The following SPTLC3 variants were observed in gnomAD, a reference collection of about 807,000 sequenced individuals.
SPTLC3 encodes serine palmitoyltransferase long chain base subunit 3.
SPTLC3 carries 36 observed loss-of-function variants against 59.3 expected under a neutral mutation model. That is an observed-to-expected ratio of 0.61 (90% CI 0.47 to 0.80). The LOEUF (loss-of-function observed/expected upper bound fraction) is 0.80, where lower values mean the gene tolerates loss of function less well. SPTLC3 is among the 30% of genes least tolerant of loss of function. SPTLC3 has a pLI of 0.00. For synonymous variants in SPTLC3, 257 were observed against 240.8 expected (o/e 1.07, Z -0.62); for missense variants, 625 against 685.1 (o/e 0.91, Z 0.98).
intron 1 of SPTLC3, among the ~76,000 whole-genome samples, chr20:13,033,654 A>ATT (rs1986602311): frequency 6.6e-6 from 1 of 152,192 alleles, no homozygotes; most frequent in Non-Finnish European, 1.5e-5. Flanking sequence ...ACCAGACAAT[A>ATT]GTGTTGAAAT....
At chr20:13,067,401 C>T (rs1425880957) in intron 2 of SPTLC3, among the ~76,000 whole-genome samples, 2 of 152,228 alleles carry the variant, frequency 1.3e-5, no homozygotes, top group East Asian at 3.9e-4. Context: ...CCATGCCAGT[C>T]TTCTCTGCAA....
At chr20:13,046,975 C>A (rs1568576687) in intron 1 of SPTLC3, among the ~76,000 whole-genome samples, 1 of 152,118 alleles carries the variant, frequency 6.6e-6, no homozygotes, top group East Asian at 1.9e-4. Flanking sequence ...ACACACTAGA[C>A]AGGAATATCC....
At chr20:13,123,002 C>T (rs1393100276) in intron 8 of SPTLC3, among the ~76,000 whole-genome samples, 1 of 152,178 alleles carries the variant, frequency 6.6e-6, no homozygotes, top group Non-Finnish European at 1.5e-5. Context: ...CCGCCCCATG[C>T]TCCCAGTTCT....
chr20:13,141,680 T>C (rs2038386880), intron 9 of SPTLC3, among the ~76,000 whole-genome samples: 1 of 152,246 alleles, frequency 6.6e-6, no homozygotes, highest in South Asian at 2.1e-4. Context: ...GCCACTTGGT[T>C]GCCAGCTGGA....
At position 13,165,785 on chromosome 20, in the gene SPTLC3, A is replaced by G. The variant is rs1184768471; in HGVS notation, c.*918A>G. ...TCCTTTAGAATCGACTCCCAAGACTATATTTGAAGAATGCATTGATTCAAG... is the reference window on the plus strand; with the variant it reads ...TCCTTTAGAATCGACTCCCAAGACTGTATTTGAAGAATGCATTGATTCAAG... On this transcript the variant is annotated 3_prime_UTR_variant, in exon 12 of 12. Transcript: ENST00000399002. 1.3e-5 allele frequency: 2 copies of G among 152,208 alleles called. No homozygotes were observed. Among genetic ancestry groups the G allele is most frequent in the Admixed American group, 1.3e-4 (2 of 15,272 alleles). 9.4% of individuals were successfully genotyped at this position (152,208 alleles called of 1,614,324 possible). A position where few individuals can be genotyped will look rare whatever the true frequency, so the allele number is the denominator to read the frequency against.
In SPTLC3 at chr20:13,008,973, G is replaced by C. The variant is rs780418047; in HGVS notation, c.-295G>C. The C allele has an allele frequency of 3.9e-6, 1 of 255,220 alleles. No individual in the cohort carries two copies. Among genetic ancestry groups the C allele is most frequent in the Non-Finnish European group, 7.6e-6 (1 of 131,936 alleles). The allele number at this position is 255,220 out of a possible 1,614,324, so 15.8% of individuals were successfully genotyped here. ...GTTGTTCAGTCCCCAGGTTCCCTCA[G>C]TCCCCAGAAGGAGCCAGCATGGACA... On this transcript the variant is annotated 5_prime_UTR_variant, in exon 1 of 12. Coordinates refer to ENST00000399002, the MANE Select transcript of SPTLC3 (RefSeq NM_018327.4).
chr20:13,019,237 C>G (rs2122379873), intron 1 of SPTLC3, among the ~76,000 whole-genome samples: 1 of 152,232 alleles, frequency 6.6e-6, no homozygotes, highest in South Asian at 2.1e-4. Flanking sequence ...TTAAAAGAAG[C>G]TGGAAATCCA....
At chr20:13,131,695 G>T (rs1321711413) in intron 9 of SPTLC3, among the ~76,000 whole-genome samples, 1 of 152,114 alleles carries the variant, frequency 6.6e-6, no homozygotes, top group East Asian at 1.9e-4. Context: ...CTCTCACCTG[G>T]ATTCCTGGAG....
chr20:13,085,620 G>T (rs1263268018), intron 4 of SPTLC3, among the ~76,000 whole-genome samples: 1 of 152,120 alleles, frequency 6.6e-6, no homozygotes, highest in African/African-American at 2.4e-5. Flanking sequence ...AGAAGAATTG[G>T]TAGTTGTGAA....
intron 9 of SPTLC3, among the ~76,000 whole-genome samples, chr20:13,146,078 T>C (rs2038502953): frequency 6.6e-6 from 1 of 152,182 alleles, no homozygotes; most frequent in Non-Finnish European, 1.5e-5. Context: ...ATATACACCA[T>C]GGAATACTAT....
chr20:13,126,768 T>G, intron 9 of SPTLC3, 51 bp downstream of exon 9: 1 of 1,601,278 alleles, frequency 6.2e-7, no homozygotes, highest in Non-Finnish European at 8.5e-7. Context: ...GTCTCCCTTC[T>G]GCCTCATTAA....
intron 7 of SPTLC3, among the ~76,000 whole-genome samples, chr20:13,116,114 C>T (rs1018486218): frequency 6.6e-6 from 1 of 152,136 alleles, no homozygotes; most frequent in Non-Finnish European, 1.5e-5. Flanking sequence ...ATGCTGCACC[C>T]AGTGATCATG....
intron 8 of SPTLC3, among the ~76,000 whole-genome samples, chr20:13,118,622 C>A (rs1163107758): frequency 6.6e-6 from 1 of 152,142 alleles, no homozygotes; most frequent in East Asian, 1.9e-4. Flanking sequence ...TCAGACAAAC[C>A]TACACCTGTC....
At chr20:13,062,540 A>G (rs1185536733) in intron 2 of SPTLC3, among the ~76,000 whole-genome samples, 1 of 152,202 alleles carries the variant, frequency 6.6e-6, no homozygotes, top group Non-Finnish European at 1.5e-5. Flanking sequence ...GCGGGTTAAG[A>G]CAAGCCCGAA....
chr20:13,137,529 C>A (rs1057088821), intron 9 of SPTLC3, among the ~76,000 whole-genome samples: 2 of 151,602 alleles, frequency 1.3e-5, no homozygotes, highest in African/African-American at 4.9e-5. Flanking sequence ...GATGATATTC[C>A]CTATTCTAAA....
At chr20:13,162,028 A>G (rs985848914) in intron 11 of SPTLC3, among the ~76,000 whole-genome samples, 1 of 152,206 alleles carries the variant, frequency 6.6e-6, no homozygotes, top group Non-Finnish European at 1.5e-5. Context: ...CTCTAAAATG[A>G]GTATGTATTT....
intron 1 of SPTLC3, among the ~76,000 whole-genome samples, chr20:13,015,456 T>C (rs556385329): frequency 5.9e-5 from 9 of 152,068 alleles, no homozygotes; most frequent in East Asian, 5.8e-4. Context: ...TGAAAATCAA[T>C]TGGAAGGGAG....
intron 6 of SPTLC3, among the ~76,000 whole-genome samples, chr20:13,099,994 C>T (rs983885131): frequency 2.6e-5 from 4 of 152,218 alleles, no homozygotes; most frequent in South Asian, 2.1e-4. Context: ...ACTTGTTCTG[C>T]TCTCACAGAC....
At chr20:13,039,863 A>G (rs1431444) in intron 1 of SPTLC3, among the ~76,000 whole-genome samples, 21,237 of 152,032 alleles carry the variant, frequency 0.14, 2,219 homozygotes, top group African/African-American at 0.3. Context: ...AAATCCAGTG[A>G]TATATAGAAA....
Sources: gnomAD v4.1 joint callset for allele counts (sites outside exome capture counted in the v4.1 genomes callset) on GRCh38, gnomAD v4.1.1 for gene constraint, MANE v1.5 for transcripts, NCBI Gene and HGNC (gene_info 2026-07-23, HGNC 2026-07-21) for gene names.